Variants in FLT1 observed in about 807,000 individuals in gnomAD.
FLT1 encodes fms related receptor tyrosine kinase 1, also known as vascular endothelial growth factor receptor 1.
A neutral mutation model predicts 156.3 loss-of-function variants in FLT1; 49 were observed. The ratio of observed to expected loss-of-function variants is 0.31; its 90% confidence interval spans 0.25 to 0.40. The LOEUF is 0.40. FLT1 is among the 10% of genes least tolerant of loss of function. FLT1 has a pLI of 1.00. For missense variants in FLT1, 1,322 were observed against 1,637.2 expected, an observed-to-expected ratio of 0.81 and a Z score of 3.32; for synonymous variants, 594 against 583.8, an observed-to-expected ratio of 1.02 and a Z score of -0.25.
At chr13:28,474,361 C>T (rs2137640658) in intron 1 of FLT1, among the ~76,000 whole-genome samples, 1 of 152,190 alleles carries the variant, frequency 6.6e-6, no homozygotes, top group Admixed American at 6.5e-5. Flanking sequence ...GAGGCTGAGG[C>T]ATGAGAATCA....
At chr13:28,366,374 C>A (rs1873293703) in intron 14 of FLT1, among the ~76,000 whole-genome samples, 1 of 152,280 alleles carries the variant, frequency 6.6e-6, no homozygotes, top group South Asian at 2.1e-4. Context: ...GCAGTTTGTT[C>A]TAAGCCTCAG....
chr13:28,401,758 A>T (rs1365341623), intron 11 of FLT1, among the ~76,000 whole-genome samples: 1 of 152,196 alleles, frequency 6.6e-6, no homozygotes, highest in Non-Finnish European at 1.5e-5. Flanking sequence ...GTGTGTGGGA[A>T]CTGAAACACA....
chr13:28,305,889 G>T (rs1024852897), intron 29 of FLT1, among the ~76,000 whole-genome samples: 1 of 152,188 alleles, frequency 6.6e-6, no homozygotes. Flanking sequence ...GGACACCCCT[G>T]CTAATGGCAG....
intron 25 of FLT1, among the ~76,000 whole-genome samples, chr13:28,315,412 C>T (rs1300364590): frequency 6.6e-6 from 1 of 152,068 alleles, no homozygotes; most frequent in Non-Finnish European, 1.5e-5. Flanking sequence ...AAAAATTAGC[C>T]AGGCGTGGTG....
chr13:28,484,830 T>G (rs1003257132), intron 1 of FLT1, among the ~76,000 whole-genome samples: 1 of 152,002 alleles, frequency 6.6e-6, no homozygotes, highest in East Asian at 1.9e-4. Flanking sequence ...ACTTCTGTGA[T>G]CTTAGGGAAA....
At chr13:28,398,897 A>G (rs1875241150) in intron 11 of FLT1, 1 of 633,146 alleles carries the variant, frequency 1.6e-6, no homozygotes, top group Non-Finnish European at 2.8e-6. Flanking sequence ...GAAAGCGCAT[A>G]TGAAGGCAAA....
intron 1 of FLT1, among the ~76,000 whole-genome samples, chr13:28,468,879 T>C (rs989984244): frequency 6.6e-6 from 1 of 152,256 alleles, no homozygotes; most frequent in African/African-American, 2.4e-5. Context: ...GATATTTCTT[T>C]ACAGCAATGT....
At chr13:28,359,427 A>C (rs1873027131) in intron 14 of FLT1, among the ~76,000 whole-genome samples, 1 of 152,192 alleles carries the variant, frequency 6.6e-6, no homozygotes, top group Non-Finnish European at 1.5e-5. Flanking sequence ...AGAAACTATA[A>C]AACTACTAGA....
intron 1 of FLT1, among the ~76,000 whole-genome samples, chr13:28,473,664 AG>A (rs1880309343): frequency 7.2e-6 from 1 of 138,178 alleles, no homozygotes; most frequent in African/African-American, 2.8e-5. Flanking sequence ...AAAGAAAGAA[AG>A]AAAGAAAGAG....
At position 28,321,486 on chromosome 13, in the gene FLT1, G is replaced by C. The variant is rs1318264029; in HGVS notation, c.3151C>G (p.Pro1051Ala). The change falls in exon 23 of 30, where the codon CCC (proline) becomes GCC (alanine). Residue 1051 changes from proline (P) to alanine (A), a missense_variant. Pro to Ala is a conservative substitution (Grantham distance 27). Coordinates refer to ENST00000282397, the MANE Select transcript of FLT1 (RefSeq NM_002019.4). ...FGLARDIYKN[P>A]DYVRKGDTRL... ...ACATCTCCTTTTCTCACATAATCGG[G>C]GTTCTTATAAATATCCCGGGCAAGG... is the stretch of plus-strand genomic sequence containing the variant. 3 of 1,613,910 alleles carry C rather than the reference G, an allele frequency of 1.9e-6. No homozygotes were observed. The highest frequency in any genetic ancestry group is 1.3e-5 in the African/African-American group (1 of 74,884).
intron 22 of FLT1, 22 bp from the exon 23 acceptor site, chr13:28,321,607 A>G: frequency 6.2e-7 from 1 of 1,612,892 alleles, no homozygotes; most frequent in Non-Finnish European, 8.5e-7. Context: ...CAGTTGCATA[A>G]TCAATGCATT....
chr13:28,368,140 GTTTATTTA>G (rs535871340), intron 14 of FLT1: 4 of 628,574 alleles, frequency 6.4e-6, no homozygotes, highest in Admixed American at 1.1e-4. Flanking sequence ...AATTTTGTCT[GTTTATTTA>G]TTTATTTATT....
intron 10 of FLT1, among the ~76,000 whole-genome samples, chr13:28,406,929 A>G (rs182279251): frequency 2.0e-5 from 3 of 152,324 alleles, no homozygotes; most frequent in Admixed American, 1.3e-4. Flanking sequence ...ATGTGGTCAG[A>G]AAAACGTTCC....
At chr13:28,325,744 A>G (rs887328720) in intron 20 of FLT1, among the ~76,000 whole-genome samples, 2 of 148,440 alleles carry the variant, frequency 1.3e-5, no homozygotes, top group African/African-American at 4.9e-5. Context: ...GAACCCAGGA[A>G]ACGGAGGTTG....
At chr13:28,308,796 GA>G in intron 28 of FLT1, 46 bp downstream of exon 28, 1 of 1,130,958 alleles carries the variant, frequency 8.8e-7, no homozygotes, top group Non-Finnish European at 1.4e-6. Flanking sequence ...GGGATCTGAA[GA>G]AGGGGTCTAT....
chr13:28,304,753 A>G (rs367993904), intron 29 of FLT1, among the ~76,000 whole-genome samples: 2 of 152,146 alleles, frequency 1.3e-5, no homozygotes, highest in Non-Finnish European at 2.9e-5. Flanking sequence ...AGATTTACCA[A>G]TTCTGGGCAT....
chr13:28,362,907 A>C (rs1279100844), intron 14 of FLT1, among the ~76,000 whole-genome samples: 4 of 152,162 alleles, frequency 2.6e-5, no homozygotes, highest in Admixed American at 2.0e-4. Context: ...CTATTGTACT[A>C]TAACAAATGA....
rs1166067466 is a variant in FLT1 at position 28,303,359 on chromosome 13, T to C, written c.3825A>G (p.Val1275=). The C allele has an allele frequency of 2.5e-6, 4 of 1,613,774 alleles. No homozygotes were observed. The highest frequency in any genetic ancestry group is 3.4e-6 in the Non-Finnish European group (4 of 1,179,888). The part of the protein sequence containing the change: ...PKASLKIDLR[V]TSKSKESGLS... ...GCCCCGACTCCTTACTTTTACTGGT[T>C]ACTCTCAAGCTAAAGAAAGAAAGGA... Residue 1275 remains valine (V), a synonymous_variant, in exon 30 of 30, where the codon GTA becomes GTG. Coordinates refer to ENST00000282397, the MANE Select transcript of FLT1 (RefSeq NM_002019.4).
At chr13:28,326,202 C>A (rs1183953284) in intron 20 of FLT1, among the ~76,000 whole-genome samples, 3 of 152,140 alleles carry the variant, frequency 2.0e-5, no homozygotes, top group Non-Finnish European at 4.4e-5. Flanking sequence ...TCTCAACAAT[C>A]CCATCAGCTG....
Sources: gnomAD v4.1 joint callset for allele counts (sites outside exome capture counted in the v4.1 genomes callset) on GRCh38, gnomAD v4.1.1 for gene constraint, MANE v1.5 for transcripts, NCBI Gene and HGNC (gene_info 2026-07-23, HGNC 2026-07-21) for gene names.